MED14: variants seen among roughly 807,000 people sequenced by gnomAD.
MED14 encodes mediator of RNA polymerase II transcription subunit 14.
A neutral mutation model predicts 109.0 loss-of-function variants in MED14; 8 were observed. That is an observed-to-expected ratio of 0.07 (90% confidence interval 0.04 to 0.13). MED14 has a LOEUF of 0.13. Ranked by LOEUF, MED14 falls within the 10% of genes least tolerant of loss-of-function variation. The pLI, the probability that MED14 is intolerant of heterozygous loss-of-function variation, is 1.00. For missense variants in MED14, 711 were observed against 1,142.4 expected (o/e 0.62, Z 5.44); for synonymous variants, 399 against 408.7 (o/e 0.98, Z 0.29).
At chrX:40,708,570 C>T (rs1212752056) in intron 10 of MED14, among the ~76,000 whole-genome samples, 1 of 111,982 alleles carries the variant, frequency 8.9e-6, no homozygotes, top group Non-Finnish European at 1.9e-5. Flanking sequence ...CGTCATCTAA[C>T]TTAATTAAAG....
chrX:40,689,554 G>A (rs1028022538), intron 15 of MED14, among the ~76,000 whole-genome samples: 2 of 110,527 alleles, frequency 1.8e-5, no homozygotes, highest in African/African-American at 6.6e-5. Flanking sequence ...AGCTGGGTGT[G>A]GTGGTGTATG....
At chrX:40,701,547 C>T (rs1342396367) in intron 11 of MED14, among the ~76,000 whole-genome samples, 1 of 111,591 alleles carries the variant, frequency 9.0e-6, no homozygotes, top group East Asian at 2.8e-4. Context: ...TCCCCAAACT[C>T]CTAGTCTACT....
Position 40,735,327 on chromosome X carries a change from G to T in MED14, c.86C>A (p.Ala29Asp). Residue 29 changes from alanine (A) to aspartate (D), a missense_variant, in exon 1 of 31, where the codon GCC becomes GAC. By Grantham distance (126) the Ala-to-Asp change is moderately radical (BLOSUM62 -2). Transcript: ENST00000324817. The part of the protein sequence containing the change: ...GGSGGPPSAP[A>D]PPPPGAAVAA... Reference sequence around the variant, plus strand: ...CACGGCGGCTCCCGGGGGAGGAGGGGCTGGGGCTGACGGGGGTCCGCCGCT... The same window carrying T: ...CACGGCGGCTCCCGGGGGAGGAGGGTCTGGGGCTGACGGGGGTCCGCCGCT... 9.0e-7 allele frequency: 1 copy of T among 1,109,249 alleles called. No homozygotes were observed. The highest frequency in any genetic ancestry group is 1.2e-6 in the Non-Finnish European group (1 of 845,999). 91.4% of individuals were successfully genotyped at this position (1,109,249 alleles called of 1,213,427 possible). A position where few individuals can be genotyped will look rare whatever the true frequency, so the allele number is the denominator to read the frequency against.
At chrX:40,713,323 C>T (rs1931396928) in intron 5 of MED14, among the ~76,000 whole-genome samples, 2 of 111,837 alleles carry the variant, frequency 1.8e-5, no homozygotes, top group African/African-American at 3.3e-5. Flanking sequence ...GCTGCAAATA[C>T]CAGCACTGTA....
rs1196534999 is a variant in MED14, at chrX:40,696,940, T to C, written c.1650+84A>G. 26 of 848,266 alleles carry C rather than the reference T, an allele frequency of 3.1e-5. No individual in the cohort carries two copies. In the East Asian group the frequency reaches 4.1e-4, roughly 13 times the overall value. The allele number at this position is 848,266 out of a possible 1,213,427, so 69.9% of individuals were successfully genotyped here. ...AAAGTCAAATATTCAATAAAATTCATTGGCAAGTTAAACAATAAGTCATTC... is the reference window on the plus strand; with the variant it reads ...AAAGTCAAATATTCAATAAAATTCACTGGCAAGTTAAACAATAAGTCATTC... On this transcript the variant is annotated intron_variant, in intron 13 of 30. Transcript: ENST00000324817.
rs892565386 is a variant in MED14 at position 40,662,920 on chromosome X, C to G, written c.3684+5G>C. ...ACCACTTAGAAGGTCATTAGGTACCCATACCGTTTCTTGTTGAATAATTCT... is the reference window on the plus strand; with the variant it reads ...ACCACTTAGAAGGTCATTAGGTACCGATACCGTTTCTTGTTGAATAATTCT... On this transcript the variant is annotated splice_donor_5th_base_variant and intron_variant, in intron 26 of 30. Transcript: ENST00000324817. 1.3e-5 allele frequency: 15 copies of G among 1,183,659 alleles called. No homozygotes were observed. Among genetic ancestry groups the G allele is most frequent in the Non-Finnish European group, 1.7e-5 (15 of 872,616 alleles).
chrX:40,701,367 G>GA, intron 11 of MED14, 124 bp from the exon 12 acceptor site: 1 of 449,924 alleles, frequency 2.2e-6, no homozygotes, highest in Non-Finnish European at 3.7e-6. Context: ...TGTTGTTTTT[G>GA]AGTCAGAGAA....
At chrX:40,697,445 C>T (rs996634444) in intron 12 of MED14, among the ~76,000 whole-genome samples, 4 of 111,705 alleles carry the variant, frequency 3.6e-5, no homozygotes, top group Non-Finnish European at 7.5e-5. Context: ...GGATGAGATA[C>T]TATGTTAGTT....
chrX:40,701,319 TAAAAC>T (rs1263361108), intron 11 of MED14, 76 bp from the exon 12 acceptor site: 11 of 637,466 alleles, frequency 1.7e-5, no homozygotes, highest in East Asian at 1.1e-4. Context: ...GTAAAACAAA[TAAAAC>T]AAATGAAAAT....
chrX:40,732,805 G>A (rs1932122896), intron 1 of MED14, among the ~76,000 whole-genome samples: 1 of 110,867 alleles, frequency 9.0e-6, no homozygotes, highest in African/African-American at 3.3e-5. Context: ...ACATCAGGAA[G>A]GGTAATGTGG....
intron 12 of MED14, among the ~76,000 whole-genome samples, chrX:40,699,512 C>T (rs187441432): frequency 8.9e-6 from 1 of 112,042 alleles, no homozygotes; most frequent in East Asian, 2.8e-4. Context: ...AAGTGACAAT[C>T]AGGGGACTTT....
In MED14 at chrX:40,680,106, T is replaced by C. The variant is rs1308121519; in HGVS notation, c.2638A>G (p.Asn880Asp). 1 of 1,209,449 alleles carries C rather than the reference T, an allele frequency of 8.3e-7. No homozygotes were observed. The highest frequency in any genetic ancestry group is 1.8e-5 in the African/African-American group (1 of 57,024). Reference protein sequence around the residue: ...QVLFDTQAPLNAINKLPTVPM... With the variant: ...QVLFDTQAPLDAINKLPTVPM... ...ACAGTGGGGAGTTTGTTGATGGCAT[T>C]TAATGGAGCCTGAGTATCAAACAGT... is the stretch of plus-strand genomic sequence containing the variant. Residue 880 changes from asparagine (N) to aspartate (D), a missense_variant, in exon 21 of 31, where the codon AAT (asparagine) becomes GAT (aspartate). Physicochemically the swap from Asn to Asp is conservative, Grantham distance 23. Around this residue, in one of 8 missense-constraint regions of MED14, gnomAD observed 29 missense variants for 102.4 expected, o/e 0.28. Transcript: ENST00000324817.
At chrX:40,719,924 A>C (rs1271592506) in intron 3 of MED14, among the ~76,000 whole-genome samples, 1 of 112,174 alleles carries the variant, frequency 8.9e-6, no homozygotes, top group Non-Finnish European at 1.9e-5. Flanking sequence ...CTATGGATCT[A>C]TACACTCATA....
chrX:40,664,362 G>A lies in MED14; in HGVS notation c.3393C>T (p.Asn1131=). The A allele has an allele frequency of 8.3e-7, 1 of 1,206,820 alleles. No homozygotes were observed. The highest frequency in any genetic ancestry group is 1.1e-6 in the Non-Finnish European group (1 of 893,596). ...AARMPGMSPA[N]PSLHSPVPDA... ...CTGGAACCGGAGAATGTAGTGAGGG[G>A]TTGGCTGGTGACATTCCAGGCATGC... Residue 1131 remains asparagine, a synonymous_variant, in exon 25 of 31, where the codon AAC becomes AAT. Transcript: ENST00000324817.
chrX:40,673,865 C>T (rs1350892397), intron 22 of MED14, among the ~76,000 whole-genome samples: 1 of 101,068 alleles, frequency 9.9e-6, no homozygotes, highest in Non-Finnish European at 2.0e-5. Flanking sequence ...AAAAAAAAAT[C>T]ATTATAGAGG....
chrX:40,726,640 G>T, intron 3 of MED14, 106 bp downstream of exon 3: 2 of 562,806 alleles, frequency 3.6e-6, no homozygotes, highest in Non-Finnish European at 5.6e-6. Flanking sequence ...TTATTCACAT[G>T]TCACTCAAAT....
Position 40,664,451 on chromosome X carries a change from G to C in MED14, c.3304C>G (p.Pro1102Ala). Residue 1102 changes from proline (P) to alanine (A), a missense_variant, in exon 25 of 31, where the codon CCA becomes GCA. By Grantham distance (27) the Pro-to-Ala change is conservative. Coordinates refer to ENST00000324817, the MANE Select transcript of MED14 (RefSeq NM_004229.4). ...DPSSPYTMVS[P>A]SGRAGNWPGS... ...GGCCAGTTCCCTGCTCGTCCACTTG[G>C]TGACACCATAGTGTATGGGGAACTA... The C allele has an allele frequency of 8.5e-7, 1 of 1,175,722 alleles. No individual in the cohort carries two copies.
chrX:40,649,707 G>A lies in MED14; in HGVS notation c.*2099C>T. 1 of 896,566 alleles carries A rather than the reference G, an allele frequency of 1.1e-6. No homozygotes were observed. The highest frequency in any genetic ancestry group is 1.4e-6 in the Non-Finnish European group (1 of 719,403). 73.9% of individuals were successfully genotyped at this position (896,566 alleles called of 1,213,427 possible). A position where few individuals can be genotyped will look rare whatever the true frequency, so the allele number is the denominator to read the frequency against. On this transcript the variant is annotated 3_prime_UTR_variant, in exon 31 of 31. Coordinates refer to ENST00000324817, the MANE Select transcript of MED14 (RefSeq NM_004229.4). The stretch of plus-strand genomic sequence containing the variant: ...AAAAGAGGCAAAAGACATGATTTGT[G>A]ATGAAACTTACTATTCAAATGCTAA...
At chrX:40,710,155 T>C in intron 8 of MED14, 26 bp from the exon 9 acceptor site, 1 of 1,079,288 alleles carries the variant, frequency 9.3e-7, no homozygotes, top group Non-Finnish European at 1.2e-6. Flanking sequence ...AAATGAAGAA[T>C]TTTTTTCAAC....
Sources: allele counts gnomAD v4.1 joint callset (sites outside exome capture counted in the v4.1 genomes callset), GRCh38; gene constraint gnomAD v4.1.1; regional missense constraint gnomAD v4.1.1; transcripts MANE v1.5; gene names NCBI Gene and HGNC (gene_info 2026-07-23, HGNC 2026-07-21).